PYGO1: variants seen among roughly 807,000 people sequenced by gnomAD.
PYGO1 encodes the protein pygopus homolog 1.
Under a neutral mutation model 29.5 loss-of-function variants are expected in PYGO1, and 6 were observed. The ratio of observed to expected loss-of-function variants is 0.20; its 90% CI spans 0.11 to 0.40. The LOEUF is 0.40. Among genes scored for constraint, PYGO1 ranks in the 10% least tolerant of loss-of-function variants. The pLI is 1.00. For synonymous variants in PYGO1, 186 were observed against 180.5 expected (o/e 1.03, Z -0.24); for missense variants, 515 against 514.9 (o/e 1.00, Z 0.00).
intron 1 of PYGO1, among the ~76,000 whole-genome samples, chr15:55,582,131 TG>T (rs1430707028): frequency 4.2e-5 from 6 of 141,534 alleles, no homozygotes; most frequent in African/African-American, 1.6e-4. Context: ...CGCTTGAACC[TG>T]GGAGGCAGAG....
intron 1 of PYGO1, among the ~76,000 whole-genome samples, chr15:55,578,647 T>A (rs745608059): frequency 1.3e-5 from 2 of 152,196 alleles, no homozygotes; most frequent in Non-Finnish European, 2.9e-5. Flanking sequence ...ACCATATATA[T>A]CTTTTCTTTG....
intron 1 of PYGO1, among the ~76,000 whole-genome samples, chr15:55,566,225 G>A (rs924833815): frequency 2.6e-5 from 4 of 152,056 alleles, no homozygotes; most frequent in Non-Finnish European, 4.4e-5. Context: ...GCCCCTAATT[G>A]CACTGCCCCT....
At position 55,587,892 on chromosome 15, in the gene PYGO1, G is replaced by A. The variant is rs1332573912; in HGVS notation, c.-9C>T. On this transcript the variant is annotated 5_prime_UTR_variant, in exon 1 of 3. Transcript: ENST00000563719. ...TCCTGTTCTGCTGACATTACAGACCGCAAAGCATGACTCCCCCCCAGGCCG... is the reference window on the plus strand; with the variant it reads ...TCCTGTTCTGCTGACATTACAGACCACAAAGCATGACTCCCCCCCAGGCCG... 3.4e-6 allele frequency: 5 copies of A among 1,473,070 alleles called. No individual in the cohort carries two copies. The African/African-American group carries it at 4.3e-5, about 13-fold the overall frequency. 91.2% of individuals were successfully genotyped at this position (1,473,070 alleles called of 1,614,324 possible). A position where few individuals can be genotyped will look rare whatever the true frequency, so the allele number is the denominator to read the frequency against.
intron 1 of PYGO1, among the ~76,000 whole-genome samples, chr15:55,586,070 TTG>T (rs2059045023): frequency 6.6e-6 from 1 of 152,226 alleles, no homozygotes; most frequent in African/African-American, 2.4e-5. Context: ...GTCTTTTGGA[TTG>T]TGTGTCACAA....
intron 1 of PYGO1, among the ~76,000 whole-genome samples, chr15:55,553,571 C>T (rs370691074): frequency 2.6e-5 from 4 of 151,976 alleles, no homozygotes; most frequent in African/African-American, 9.7e-5. Flanking sequence ...GCCACCACCA[C>T]TAACTTTTTT....
In PYGO1 at chr15:55,587,991, C is replaced by A; in HGVS notation, c.-108G>T. On this transcript the variant is annotated 5_prime_UTR_variant, in exon 1 of 3. Transcript: ENST00000563719. ...GGGGCCGCTGCGGCTGCGAGGCAAG[C>A]CTCGGAGCCGAGGCACGGCCGAGGG... 3 of 1,395,310 alleles carry A rather than the reference C, an allele frequency of 2.2e-6. No individual in the cohort carries two copies. Among genetic ancestry groups the A allele is most frequent in the Non-Finnish European group, 2.8e-6 (3 of 1,068,058 alleles). The allele number at this position is 1,395,310 out of a possible 1,614,324, so 86.4% of individuals were successfully genotyped here. A position where few individuals can be genotyped will look rare whatever the true frequency, so the allele number is the denominator to read the frequency against.
At chr15:55,565,313 G>A (rs1444347870) in intron 1 of PYGO1, among the ~76,000 whole-genome samples, 1 of 151,942 alleles carries the variant, frequency 6.6e-6, no homozygotes, top group Non-Finnish European at 1.5e-5. Flanking sequence ...TAGGCCCACT[G>A]ATTCACCAGA....
intron 1 of PYGO1, among the ~76,000 whole-genome samples, chr15:55,550,610 T>C (rs1187473883): frequency 2.0e-5 from 3 of 152,222 alleles, no homozygotes; most frequent in African/African-American, 4.8e-5. Context: ...CTTTTCTTTG[T>C]TCACTAAGTC....
At chr15:55,572,428 T>G (rs1313623163) in intron 1 of PYGO1, among the ~76,000 whole-genome samples, 1 of 152,168 alleles carries the variant, frequency 6.6e-6, no homozygotes, top group Non-Finnish European at 1.5e-5. Context: ...GATTTAAATG[T>G]AAGACCTGAA....
chr15:55,582,001 G>GT (rs1279358091), intron 1 of PYGO1, among the ~76,000 whole-genome samples: 1 of 152,112 alleles, frequency 6.6e-6, no homozygotes, highest in African/African-American at 2.4e-5. Context: ...GAGGTCAGGA[G>GT]TTTGAGACCA....
intron 1 of PYGO1, among the ~76,000 whole-genome samples, chr15:55,550,225 C>G (rs1297364447): frequency 6.6e-6 from 1 of 152,084 alleles, no homozygotes; most frequent in Non-Finnish European, 1.5e-5. Context: ...TTAACTGAAC[C>G]AGGCTGATTA....
At chr15:55,567,382 AT>A (rs1225624251) in intron 1 of PYGO1, among the ~76,000 whole-genome samples, 1 of 150,556 alleles carries the variant, frequency 6.6e-6, no homozygotes. Flanking sequence ...TAATTTCTTT[AT>A]TTTTTGTAGA....
In PYGO1 at chr15:55,585,200, T is replaced by C. The variant is rs536067555; in HGVS notation, c.49+2635A>G. ...TGTTAATAATTCATTTAAATTGCTATATGTGTGTATTTATACACATATGTA... is the reference window on the plus strand; with the variant it reads ...TGTTAATAATTCATTTAAATTGCTACATGTGTGTATTTATACACATATGTA... On this transcript the variant is annotated intron_variant, in intron 1 of 2. Coordinates refer to ENST00000563719, the MANE Select transcript of PYGO1 (RefSeq NM_001367806.1). 8.5e-5 allele frequency among the ~76,000 whole-genome samples: 13 copies of C among 152,352 alleles called. No homozygotes were observed. The East Asian group carries it at 2.5e-3, about 29-fold the overall frequency.
At chr15:55,576,841 T>C (rs1488238583) in intron 1 of PYGO1, among the ~76,000 whole-genome samples, 2 of 147,806 alleles carry the variant, frequency 1.4e-5, no homozygotes, top group African/African-American at 4.9e-5. Context: ...GGATACAACA[T>C]CCATGTTCTT....
chr15:55,548,120 A>G (rs1595980753), intron 2 of PYGO1, among the ~76,000 whole-genome samples: 1 of 152,094 alleles, frequency 6.6e-6, no homozygotes. Flanking sequence ...TCCAGGTTCA[A>G]GCAATTCTCA....
In PYGO1 at chr15:55,545,385, G is replaced by A. The variant is rs573027531; in HGVS notation, c.*638C>T. 5 of 152,120 alleles carry A rather than the reference G, an allele frequency of 3.3e-5. No individual in the cohort carries two copies. The highest frequency in any genetic ancestry group is 1.2e-4 in the African/African-American group (5 of 41,508). The allele number at this position is 152,120 out of a possible 1,614,324, so 9.4% of individuals were successfully genotyped here. ...GATCTAATATTAGCAATTTCATGTG[G>A]TACCATCCACAAGTTAATCAACAAT... On this transcript the variant is annotated 3_prime_UTR_variant, in exon 3 of 3. Transcript: ENST00000563719.
At chr15:55,581,154 G>T (rs1595995273) in intron 1 of PYGO1, among the ~76,000 whole-genome samples, 1 of 152,184 alleles carries the variant, frequency 6.6e-6, no homozygotes, top group East Asian at 1.9e-4. Flanking sequence ...ACCTAATCTT[G>T]GCTGAGTGGG....
In PYGO1 at chr15:55,546,684, A is replaced by C; in HGVS notation, c.599T>G (p.Leu200Trp). 2 of 1,614,110 alleles carry C rather than the reference A, an allele frequency of 1.2e-6. No individual in the cohort carries two copies. Residue 200 changes from leucine (L) to tryptophan (W), a missense_variant, in exon 3 of 3, where the codon TTG becomes TGG. Coordinates refer to ENST00000563719, the MANE Select transcript of PYGO1 (RefSeq NM_001367806.1). ...QNASQVSNPD[L>W]ASNFVPGNNS... Reference sequence around the variant, plus strand: ...ATTTCCAGGAACAAAATTAGATGCCAAATCGGGGTTAGAAACTTGGCTAGC... The same window carrying C: ...ATTTCCAGGAACAAAATTAGATGCCCAATCGGGGTTAGAAACTTGGCTAGC...
rs148834673 is a variant in PYGO1, at chr15:55,553,994, T to C, written c.50-4999A>G. Among the ~76,000 whole-genome samples the C allele has an allele frequency of 6.7e-3, 1,015 of 151,908 alleles. 6 individuals carry two copies. The highest frequency in any genetic ancestry group is 0.011 in the Non-Finnish European group (720 of 67,960). On this transcript the variant is annotated intron_variant, in intron 1 of 2. Coordinates refer to ENST00000563719, the MANE Select transcript of PYGO1 (RefSeq NM_001367806.1). ...CAAACAGAAGCAATGTCAACAACAA[T>C]ATCAACAAAAAAGACCCCACAAAAA...
Sources: allele counts gnomAD v4.1 joint callset (sites outside exome capture counted in the v4.1 genomes callset), GRCh38; gene constraint gnomAD v4.1.1; transcripts MANE v1.5; gene names NCBI Gene and HGNC (gene_info 2026-07-23, HGNC 2026-07-21).